BARD1: variants seen among roughly 807,000 people sequenced by gnomAD.
BARD1 encodes the protein BRCA1-associated RING domain protein 1.
A neutral mutation model predicts 77.0 loss-of-function variants in BARD1; 73 were observed. That is an observed-to-expected ratio of 0.95 (90% confidence interval 0.79 to 1.15). The LOEUF is 1.15. Among genes scored for constraint, BARD1 ranks in the 50% most tolerant of loss-of-function variants. BARD1 has a pLI of 0.00. For synonymous variants in BARD1, 384 were observed against 338.0 expected, an observed-to-expected ratio of 1.14 and a Z score of -1.49; for missense variants, 993 against 938.8, an observed-to-expected ratio of 1.06 and a Z score of -0.75.
intron 3 of BARD1, among the ~76,000 whole-genome samples, chr2:214,784,287 C>G (rs535673040): frequency 1.3e-5 from 2 of 152,202 alleles, no homozygotes; most frequent in African/African-American, 4.8e-5. Flanking sequence ...AAAAGCTCAT[C>G]ATCATCATTA....
At chr2:214,806,855 CAG>C (rs902493567) in intron 1 of BARD1, among the ~76,000 whole-genome samples, 90 of 112,700 alleles carry the variant, frequency 8.0e-4, no homozygotes, top group African/African-American at 3.0e-3. Context: ...GCTTGGGTGA[CAG>C]AGTGAAACTT....
At chr2:214,745,682 C>T (rs2106020360) in intron 8 of BARD1, 40 bp downstream of exon 8, 1 of 1,610,302 alleles carries the variant, frequency 6.2e-7, no homozygotes, top group African/African-American at 1.3e-5. Flanking sequence ...ATCTATTTAA[C>T]ATTTTTTCTA....
At chr2:214,747,319 C>A (rs1243711319) in intron 7 of BARD1, among the ~76,000 whole-genome samples, 1 of 148,470 alleles carries the variant, frequency 6.7e-6, no homozygotes, top group Non-Finnish European at 1.5e-5. Flanking sequence ...GGATCTAGAA[C>A]TGGAAATACC....
chr2:214,798,752 A>G (rs55998609), intron 1 of BARD1, among the ~76,000 whole-genome samples: 8,933 of 142,318 alleles, frequency 0.063, 279 homozygotes, highest in Admixed American at 0.1. Flanking sequence ...TCAGGCTGCG[A>G]ATAACCACTA....
Position 214,726,054 on chromosome 2 carries a change from G to T in BARD1, c.*2622C>A. 1 of 217,554 alleles carries T rather than the reference G, an allele frequency of 4.6e-6. No homozygotes were observed. Among genetic ancestry groups the T allele is most frequent in the African/African-American group, 2.3e-5 (1 of 44,354 alleles). The allele number at this position is 217,554 out of a possible 1,614,324, so 13.5% of individuals were successfully genotyped here. On this transcript the variant is annotated 3_prime_UTR_variant, in exon 11 of 11. Coordinates refer to ENST00000260947, the MANE Select transcript of BARD1 (RefSeq NM_000465.4). ...GGCAGGTGCAAAAAAAAAAAAAGGTGGGGGGACCGATGAAATAAAGGAAAA... is the reference window on the plus strand; with the variant it reads ...GGCAGGTGCAAAAAAAAAAAAAGGTTGGGGGACCGATGAAATAAAGGAAAA...
rs199601401 is a variant in BARD1, at chr2:214,751,924, G to A, written c.1677+523C>T. ...AACATACCAGCCTCATTCACTGAAG[G>A]GCCTATACACTGTGTCCTCCAGATA... On this transcript the variant is annotated intron_variant, in intron 7 of 10. Coordinates refer to ENST00000260947, the MANE Select transcript of BARD1 (RefSeq NM_000465.4). Among the ~76,000 whole-genome samples, 3 of 151,994 alleles carry A rather than the reference G, an allele frequency of 2.0e-5. No homozygotes were observed. The East Asian group carries it at 5.8e-4, about 29-fold the overall frequency.
chr2:214,764,254 G>A (rs2106068444), intron 6 of BARD1, among the ~76,000 whole-genome samples: 1 of 152,274 alleles, frequency 6.6e-6, no homozygotes, highest in Admixed American at 6.5e-5. Flanking sequence ...TGTGGATACA[G>A]ACTACATTAG....
chr2:214,771,489 G>A (rs13416684), intron 4 of BARD1, among the ~76,000 whole-genome samples: 21,158 of 151,854 alleles, frequency 0.14, 1,595 homozygotes, highest in African/African-American at 0.19. Context: ...CAGCACTTTG[G>A]GAGGCTGAGG....
chr2:214,799,024 C>T (rs756387817), intron 1 of BARD1, among the ~76,000 whole-genome samples: 1 of 152,036 alleles, frequency 6.6e-6, no homozygotes, highest in Non-Finnish European at 1.5e-5. Context: ...GGCTGAGGCA[C>T]AAGAATCACT....
intron 9 of BARD1, among the ~76,000 whole-genome samples, chr2:214,734,932 C>A (rs1191592148): frequency 1.1e-4 from 16 of 152,116 alleles, no homozygotes; most frequent in Admixed American, 9.8e-4. Flanking sequence ...TATAAAGATG[C>A]TATGAACACC....
chr2:214,769,176 T>C lies in BARD1; in HGVS notation c.1395+56A>G, dbSNP rs889729061. On this transcript the variant is annotated intron_variant, in intron 5 of 10. Transcript: ENST00000260947. ...TGATATATAGACAACTACATAACTATAAACTATAAGAACTGTAAAACACAG... is the reference window on the plus strand; with the variant it reads ...TGATATATAGACAACTACATAACTACAAACTATAAGAACTGTAAAACACAG... The C allele has an allele frequency of 5.5e-6, 8 of 1,457,502 alleles. No homozygotes were observed. In the African/African-American group the frequency reaches 7.0e-5, roughly 13 times the overall value. 90.3% of individuals were successfully genotyped at this position (1,457,502 alleles called of 1,614,324 possible).
intron 1 of BARD1, among the ~76,000 whole-genome samples, chr2:214,806,528 C>T (rs1426869264): frequency 1.3e-5 from 2 of 152,050 alleles, no homozygotes; most frequent in Non-Finnish European, 2.9e-5. Flanking sequence ...TAGATAGTGC[C>T]AAAGTTGCAG....
chr2:214,809,177 A>T (rs535134010), intron 1 of BARD1, among the ~76,000 whole-genome samples: 1 of 152,270 alleles, frequency 6.6e-6, no homozygotes, highest in South Asian at 2.1e-4. Flanking sequence ...AAGTTCAAAA[A>T]CTACCGTTTC....
intron 4 of BARD1, among the ~76,000 whole-genome samples, chr2:214,778,238 T>G (rs1694822919): frequency 8.0e-6 from 1 of 125,576 alleles, no homozygotes; most frequent in Non-Finnish European, 1.6e-5. Flanking sequence ...AATATATAAA[T>G]ATATTTATAT....
At chr2:214,778,388 CCAT>C (rs1349778592) in intron 4 of BARD1, among the ~76,000 whole-genome samples, 2 of 151,750 alleles carry the variant, frequency 1.3e-5, no homozygotes, top group Non-Finnish European at 2.9e-5. Context: ...AAAAAATGTA[CCAT>C]AACATAATCT....
chr2:214,747,320 T>TA (rs1455071588), intron 7 of BARD1, among the ~76,000 whole-genome samples: 1 of 148,360 alleles, frequency 6.7e-6, no homozygotes, highest in African/African-American at 2.5e-5. Flanking sequence ...GATCTAGAAC[T>TA]GGAAATACCA....
At chr2:214,739,445 A>C (rs1159943556) in intron 9 of BARD1, among the ~76,000 whole-genome samples, 1 of 152,302 alleles carries the variant, frequency 6.6e-6, no homozygotes, top group Admixed American at 6.5e-5. Flanking sequence ...TTGTAAAAGC[A>C]AAACAAGTGT....
At chr2:214,765,737 AACACGCACGTGTGTACACACACAC>A in intron 6 of BARD1, among the ~76,000 whole-genome samples, 1 of 152,018 alleles carries the variant, frequency 6.6e-6, no homozygotes, top group African/African-American at 2.4e-5. Context: ...GACACACACA[AACACGCACGTGTGTACACACACAC>A]ACACACACAA....
In BARD1 at chr2:214,745,843, C is replaced by T. The variant is rs762745326; in HGVS notation, c.1689G>A (p.Gly563=). ...SASHCSVMNT[G]QRRDGPLVLI... Reference sequence around the variant, plus strand: ...GTACAAGAGGTCCATCCCTACGCTGCCCAGTGTTCATCTGTTAATATAAAA... The same window carrying T: ...GTACAAGAGGTCCATCCCTACGCTGTCCAGTGTTCATCTGTTAATATAAAA... Residue 563 remains glycine, a synonymous_variant, in exon 8 of 11, where the codon GGG becomes GGA. Coordinates refer to ENST00000260947, the MANE Select transcript of BARD1 (RefSeq NM_000465.4). 4.3e-6 allele frequency: 7 copies of T among 1,613,852 alleles called. No homozygotes were observed. The highest frequency in any genetic ancestry group is 5.9e-6 in the Non-Finnish European group (7 of 1,179,962).
Sources: allele counts gnomAD v4.1 joint callset (sites outside exome capture counted in the v4.1 genomes callset), GRCh38; gene constraint gnomAD v4.1.1; transcripts MANE v1.5; gene names NCBI Gene and HGNC (gene_info 2026-07-23, HGNC 2026-07-21).